The following BCL2L1 variants were observed in gnomAD, a reference collection of about 807,000 sequenced individuals.
BCL2L1 encodes the protein BCL2 like 1.
A neutral mutation model predicts 18.7 loss-of-function variants in BCL2L1; 1 was observed. The observed-to-expected ratio is 0.05, with a 90% confidence interval of 0.02 to 0.25. The LOEUF is 0.25. BCL2L1 is among the 10% of genes least tolerant of loss of function. The pLI, the probability that BCL2L1 is intolerant of heterozygous loss-of-function variation, is 1.00. For synonymous variants in BCL2L1, 103 were observed against 122.7 expected (o/e 0.84, Z 1.06); for missense variants, 207 against 304.9 (o/e 0.68, Z 2.39).
intron 2 of BCL2L1, among the ~76,000 whole-genome samples, chr20:31,709,840 CAAAAAAAAAAAAAAA>C (rs56937786): frequency 3.1e-5 from 2 of 64,070 alleles, no homozygotes; most frequent in Non-Finnish European, 6.9e-5. Flanking sequence ...GACTCCATCT[CAAAAAAAAAAAAAAA>C]AAAAAAAAAA....
chr20:31,696,858 C>T (rs989288274), intron 2 of BCL2L1, among the ~76,000 whole-genome samples: 17 of 152,082 alleles, frequency 1.1e-4, no homozygotes, highest in South Asian at 1.0e-3. Flanking sequence ...GAGTTCGAGA[C>T]GAGCCTGGCC....
chr20:31,698,686 G>A (rs942430898), intron 2 of BCL2L1, among the ~76,000 whole-genome samples: 2 of 151,886 alleles, frequency 1.3e-5, no homozygotes, highest in Non-Finnish European at 2.9e-5. Flanking sequence ...ATACAGGTGC[G>A]AAACACCACA....
intron 2 of BCL2L1, among the ~76,000 whole-genome samples, chr20:31,718,921 T>C (rs6087771): frequency 0.37 from 56,346 of 152,132 alleles, 12,589 homozygotes; most frequent in African/African-American, 0.61. Flanking sequence ...TCTAGGTCAC[T>C]TTATTACTCC....
rs188852233 is a variant in BCL2L1 at position 31,675,214 on chromosome 20, A to C, written c.565-9128T>G. Among the ~76,000 whole-genome samples the C allele has an allele frequency of 1.8e-3, 279 of 152,184 alleles. 3 individuals are homozygous for C. The highest frequency in any genetic ancestry group is 8.3e-3 in the East Asian group (43 of 5,164). On this transcript the variant is annotated intron_variant, in intron 2 of 2. Transcript: ENST00000307677. ...TTCCTGCTTGGTTATTTCAGGAAAG[A>C]GGTAGGTGGAGAAGAGGAAGAGGCT...
At chr20:31,681,433 A>G (rs2060859121) in intron 2 of BCL2L1, among the ~76,000 whole-genome samples, 1 of 152,204 alleles carries the variant, frequency 6.6e-6, no homozygotes, top group Non-Finnish European at 1.5e-5. Context: ...GGACTGCTTG[A>G]GTCCAAAAGT....
intron 2 of BCL2L1, among the ~76,000 whole-genome samples, chr20:31,719,898 G>C (rs1433521818): frequency 6.6e-6 from 1 of 152,202 alleles, no homozygotes; most frequent in African/African-American, 2.4e-5. Flanking sequence ...TCCCTACTTG[G>C]AGATGCCTCA....
chr20:31,714,102 G>A (rs543989696), intron 2 of BCL2L1, among the ~76,000 whole-genome samples: 19 of 152,328 alleles, frequency 1.2e-4, no homozygotes, highest in African/African-American at 4.3e-4. Flanking sequence ...ACTGGGTTTA[G>A]TTAAGGTGCT....
At chr20:31,704,870 A>T (rs905263965) in intron 2 of BCL2L1, among the ~76,000 whole-genome samples, 3 of 152,184 alleles carry the variant, frequency 2.0e-5, no homozygotes, top group Non-Finnish European at 2.9e-5. Context: ...TTGATTACTA[A>T]AGAAAGAGAA....
intron 2 of BCL2L1, among the ~76,000 whole-genome samples, chr20:31,692,833 C>T (rs904082410): frequency 2.6e-5 from 4 of 151,916 alleles, no homozygotes; most frequent in Non-Finnish European, 5.9e-5. Context: ...CACTTTAACC[C>T]GGGTGGCAGA....
upstream of BCL2L1, chr20:31,723,276 C>G (rs905574934): frequency 3.0e-6 from 3 of 985,606 alleles, no homozygotes; most frequent in Non-Finnish European, 3.6e-6. Context: ...GTCCTCCATT[C>G]CCCGCCCGGA....
chr20:31,711,967 T>C (rs764694854), intron 2 of BCL2L1, among the ~76,000 whole-genome samples: 2 of 152,214 alleles, frequency 1.3e-5, no homozygotes, highest in Non-Finnish European at 2.9e-5. Flanking sequence ...TCTCTGAGCC[T>C]CAATTTTCTC....
chr20:31,721,413 G>A (rs1049341230), intron 2 of BCL2L1: 2 of 521,328 alleles, frequency 3.8e-6, no homozygotes, highest in Admixed American at 3.6e-5. Flanking sequence ...TGGAACACAA[G>A]TATGGAATAG....
chr20:31,689,212 T>C (rs1303244849), intron 2 of BCL2L1, among the ~76,000 whole-genome samples: 1 of 65,780 alleles, frequency 1.5e-5, no homozygotes, highest in Non-Finnish European at 3.0e-5. Flanking sequence ...ACCCTGTCTC[T>C]ATAATTAAAG....
At chr20:31,722,478 T>G (rs998752664) in intron 1 of BCL2L1, 130 bp from the exon 2 acceptor site, 2 of 326,656 alleles carry the variant, frequency 6.1e-6, no homozygotes, top group Non-Finnish European at 1.1e-5. Flanking sequence ...ATACTTCACT[T>G]AAGTCAAATC....
At chr20:31,683,967 A>G (rs978513199) in intron 2 of BCL2L1, among the ~76,000 whole-genome samples, 2 of 152,304 alleles carry the variant, frequency 1.3e-5, no homozygotes, top group African/African-American at 2.4e-5. Flanking sequence ...GGAAATCAAC[A>G]TAAAATACAC....
chr20:31,710,014 C>T (rs142841186), intron 2 of BCL2L1, among the ~76,000 whole-genome samples: 6 of 152,232 alleles, frequency 3.9e-5, no homozygotes, highest in African/African-American at 1.4e-4. Flanking sequence ...ATTCTTTTCA[C>T]CTATTTAAAC....
At chr20:31,709,221 C>T (rs2061414138) in intron 2 of BCL2L1, among the ~76,000 whole-genome samples, 1 of 152,184 alleles carries the variant, frequency 6.6e-6, no homozygotes, top group Admixed American at 6.5e-5. Context: ...CCATCTTTGG[C>T]TCTAGCCAGT....
At chr20:31,723,295 C>T (rs1054121876), upstream of BCL2L1, 1 of 985,792 alleles carries the variant, frequency 1.0e-6, no homozygotes. Flanking sequence ...GACACAATGG[C>T]CGCCGGCGCC....
intron 2 of BCL2L1, among the ~76,000 whole-genome samples, chr20:31,701,495 T>A (rs908287756): frequency 6.6e-6 from 1 of 152,252 alleles, no homozygotes; most frequent in South Asian, 2.1e-4. Context: ...CTCGTCTTCT[T>A]ACCCATATTT....
Sources: gnomAD v4.1 joint callset for allele counts (sites outside exome capture counted in the v4.1 genomes callset) on GRCh38, gnomAD v4.1.1 for gene constraint, MANE v1.5 for transcripts, NCBI Gene and HGNC (gene_info 2026-07-23, HGNC 2026-07-21) for gene names.